Variants in CTSC observed in about 807,000 individuals in gnomAD.
The protein encoded by CTSC is cathepsin C, also known as dipeptidyl peptidase 1.
In CTSC, 37 loss-of-function variants were observed where a neutral mutation model predicts 40.9. The ratio of observed to expected loss-of-function variants is 0.91; its 90% CI spans 0.70 to 1.19. The LOEUF (loss-of-function observed/expected upper bound fraction) is 1.19, where lower values mean the gene tolerates loss of function less well. Among genes scored for constraint, CTSC ranks in the 50% most tolerant of loss-of-function variants. CTSC has a pLI of 0.00. For synonymous variants in CTSC, 232 were observed against 207.4 expected (o/e 1.12, Z -1.02); for missense variants, 594 against 567.3 (o/e 1.05, Z -0.48).
intron 2 of CTSC, among the ~76,000 whole-genome samples, chr11:88,320,267 T>C (rs1291681770): frequency 1.3e-5 from 2 of 152,216 alleles, no homozygotes; most frequent in Admixed American, 6.5e-5. Context: ...ATCTGTTTAT[T>C]TCCAGTGCTG....
chr11:88,308,426 G>A (rs1937682489), intron 4 of CTSC, among the ~76,000 whole-genome samples: 1 of 150,944 alleles, frequency 6.6e-6, no homozygotes, highest in Non-Finnish European at 1.5e-5. Context: ...TCTAAGACTG[G>A]CTTTTTGAAA....
At chr11:88,296,668 T>A (rs937799064) in intron 5 of CTSC, 1 of 304,700 alleles carries the variant, frequency 3.3e-6, no homozygotes, top group Admixed American at 4.8e-5. Context: ...CTTTCAAATA[T>A]CTCTAATGCA....
chr11:88,318,534 G>GA (rs2134794454), intron 2 of CTSC, among the ~76,000 whole-genome samples: 1 of 152,260 alleles, frequency 6.6e-6, no homozygotes, highest in African/African-American at 2.4e-5. Context: ...CTGACACTGG[G>GA]ACCTATCCTT....
intron 4 of CTSC, among the ~76,000 whole-genome samples, chr11:88,307,984 A>G (rs918635848): frequency 5.3e-5 from 8 of 152,216 alleles, no homozygotes; most frequent in African/African-American, 1.9e-4. Flanking sequence ...TCAGTCTCCC[A>G]GAACTTGGTA....
At position 88,294,356 on chromosome 11, in the gene CTSC, C is replaced by A. The variant is rs1230251122; in HGVS notation, c.1042G>T (p.Val348Leu). The stretch of plus-strand genomic sequence containing the variant: ...TTGCAGCCTCCATAGAAACCTCCTA[C>A]ATAGTGGTACTCAGAGGAGTAATAA... ...FRYYSSEYHYVGGFYGGCNEA... is the reference protein window; with the variant it reads ...FRYYSSEYHYLGGFYGGCNEA... Residue 348 changes from valine to leucine, a missense_variant, in exon 7 of 7, where the codon GTA becomes TTA. Coordinates refer to ENST00000227266, the MANE Select transcript of CTSC (RefSeq NM_001814.6). 1.9e-6 allele frequency: 3 copies of A among 1,614,166 alleles called. No individual in the cohort carries two copies. Among genetic ancestry groups the A allele is most frequent in the Admixed American group, 3.3e-5 (2 of 60,016 alleles).
At chr11:88,333,887 CT>C (rs138369217) in intron 2 of CTSC, among the ~76,000 whole-genome samples, 210 of 149,980 alleles carry the variant, frequency 1.4e-3, no homozygotes, top group African/African-American at 4.6e-3. Flanking sequence ...TCTATTTCAT[CT>C]TTTTTTTTTC....
At position 88,334,995 on chromosome 11, in the gene CTSC, A is replaced by G. The variant is rs764453581; in HGVS notation, c.260T>C (p.Ile87Thr). 2.1e-5 allele frequency: 34 copies of G among 1,611,816 alleles called. No homozygotes were observed. Among genetic ancestry groups the G allele is most frequent in the Non-Finnish European group, 2.9e-5 (34 of 1,177,990 alleles). ...DLGNSGHFTI[I>T]YNQGFEIVLN... Reference sequence around the variant, plus strand: ...CACAATCTCAAAGCCTTGGTTGTAAATGATGGTGAAATGGCCAGAATTGCC... The same window carrying G: ...CACAATCTCAAAGCCTTGGTTGTAAGTGATGGTGAAATGGCCAGAATTGCC... The change falls in exon 2 of 7, where the codon ATT becomes ACT. Residue 87 changes from isoleucine (I) to threonine (T), a missense_variant. Ile to Thr is a moderately conservative substitution (Grantham distance 89). Coordinates refer to ENST00000227266, the MANE Select transcript of CTSC (RefSeq NM_001814.6).
chr11:88,302,056 CCT>C (rs377426178), intron 4 of CTSC, among the ~76,000 whole-genome samples: 3 of 151,834 alleles, frequency 2.0e-5, no homozygotes, highest in South Asian at 2.1e-4. Context: ...AAACTCACTT[CCT>C]CTCTCTCTCT....
intron 2 of CTSC, among the ~76,000 whole-genome samples, chr11:88,333,928 A>C (rs1458571038): frequency 6.6e-6 from 1 of 152,172 alleles, no homozygotes; most frequent in Non-Finnish European, 1.5e-5. Flanking sequence ...TATTTTAAAA[A>C]TATTTCTGGG....
At position 88,300,486 on chromosome 11, in the gene CTSC, T is replaced by C. The variant is rs1202429509; in HGVS notation, c.757+44A>G. On this transcript the variant is annotated intron_variant, in intron 5 of 6. Coordinates refer to ENST00000227266, the MANE Select transcript of CTSC (RefSeq NM_001814.6). The stretch of plus-strand genomic sequence containing the variant: ...TCACACAGAGCAACTGTTCAATAAA[T>C]AGTTCCAAACAAATTAACAAAAAAC... The C allele has an allele frequency of 5.1e-6, 6 of 1,178,080 alleles. No individual in the cohort carries two copies. The African/African-American group carries it at 7.5e-5, about 15-fold the overall frequency. The allele number at this position is 1,178,080 out of a possible 1,614,324, so 73.0% of individuals were successfully genotyped here.
chr11:88,335,395 C>T (rs879592152), intron 1 of CTSC, among the ~76,000 whole-genome samples: 5 of 152,046 alleles, frequency 3.3e-5, no homozygotes, highest in Non-Finnish European at 5.9e-5. Flanking sequence ...CATAGTGAGA[C>T]CCTGTCTCTA....
Position 88,334,955 on chromosome 11 carries a change from C to A in CTSC, c.300G>T (p.Lys100Asn). 6.2e-7 allele frequency: 1 copy of A among 1,612,930 alleles called. No homozygotes were observed. Among genetic ancestry groups the A allele is most frequent in the Non-Finnish European group, 8.5e-7 (1 of 1,179,090 alleles). The change falls in exon 2 of 7, where the codon AAG (lysine) becomes AAT (asparagine). Residue 100 changes from lysine (K) to asparagine (N), a missense_variant. Physicochemically the swap from Lys to Asn is moderately conservative, Grantham distance 94. Transcript: ENST00000227266. ...QGFEIVLNDYKWFAFFKYKEE... is the reference protein window; with the variant it reads ...QGFEIVLNDYNWFAFFKYKEE... ...AACTAACCTTAAAAAAGGCAAACCA[C>A]TTGTAGTCATTCAACACAATCTCAA...
At chr11:88,303,007 A>C (rs1400370705) in intron 4 of CTSC, among the ~76,000 whole-genome samples, 6 of 152,200 alleles carry the variant, frequency 3.9e-5, no homozygotes, top group African/African-American at 1.4e-4. Context: ...TGAGAGAAAA[A>C]ACAAAGCTTG....
intron 2 of CTSC, among the ~76,000 whole-genome samples, chr11:88,332,801 A>G (rs1938396887): frequency 6.6e-6 from 1 of 152,224 alleles, no homozygotes; most frequent in Non-Finnish European, 1.5e-5. Context: ...GTAGGGCAGG[A>G]GTATTTTTTC....
chr11:88,337,155 T>C (rs537107445), intron 1 of CTSC, among the ~76,000 whole-genome samples: 2 of 152,266 alleles, frequency 1.3e-5, no homozygotes, highest in East Asian at 1.9e-4. Flanking sequence ...TAAAAATAAA[T>C]TTTAAAAATA....
intron 2 of CTSC, among the ~76,000 whole-genome samples, chr11:88,314,558 C>T (rs1937834535): frequency 6.6e-6 from 1 of 152,090 alleles, no homozygotes; most frequent in Non-Finnish European, 1.5e-5. Context: ...GACAGAGTCT[C>T]ACTCTGTTGC....
chr11:88,308,291 T>C lies in CTSC; in HGVS notation c.641+872A>G, dbSNP rs568493565. Among the ~76,000 whole-genome samples, 76 of 152,216 alleles carry C rather than the reference T, an allele frequency of 5.0e-4. No homozygotes were observed. The Middle Eastern group carries it at 0.017, about 34-fold the overall frequency. On this transcript the variant is annotated intron_variant, in intron 4 of 6. Transcript: ENST00000227266. ...GAAGCTAATGGAGGCAGTCAGGCTG[T>C]GGGGAGAAGAGGAACCTGAGTCCAG...
At chr11:88,334,226 T>C (rs217070) in intron 2 of CTSC, among the ~76,000 whole-genome samples, 26,587 of 152,182 alleles carry the variant, frequency 0.17, 2,961 homozygotes, top group South Asian at 0.33. Flanking sequence ...CATTTAATAT[T>C]TAGCTTACAA....
chr11:88,304,742 G>T (rs1408938018), intron 4 of CTSC, among the ~76,000 whole-genome samples: 3 of 152,174 alleles, frequency 2.0e-5, no homozygotes. Context: ...CCAAGATGGC[G>T]ATGAGAGTGA....
Sources: allele counts gnomAD v4.1 joint callset (sites outside exome capture counted in the v4.1 genomes callset), GRCh38; gene constraint gnomAD v4.1.1; transcripts MANE v1.5; gene names NCBI Gene and HGNC (gene_info 2026-07-23, HGNC 2026-07-21).